The following CDH2 variants were observed in gnomAD, a reference collection of about 807,000 sequenced individuals.
CDH2 encodes the protein cadherin 2, also known as cadherin-2.
A neutral mutation model predicts 92.0 loss-of-function variants in CDH2; 17 were observed. That is an observed-to-expected ratio of 0.18 (90% confidence interval 0.13 to 0.28). The LOEUF is 0.28. CDH2 is among the 10% of genes least tolerant of loss of function. The probability of loss-of-function intolerance (pLI) is 1.00; values close to 1 mark genes in which losing one functional copy is unlikely to be tolerated. For synonymous variants in CDH2, 419 were observed against 415.9 expected, an observed-to-expected ratio of 1.01 and a Z score of -0.09; for missense variants, 862 against 1,133.1, an observed-to-expected ratio of 0.76 and a Z score of 3.44.
At chr18:28,155,296 T>C (rs2016190631) in intron 1 of CDH2, among the ~76,000 whole-genome samples, 1 of 152,142 alleles carries the variant, frequency 6.6e-6, no homozygotes. Flanking sequence ...ATAGCTAAAG[T>C]ACAGGTCTTT....
intron 2 of CDH2, among the ~76,000 whole-genome samples, chr18:28,084,051 A>T (rs2014881276): frequency 6.6e-6 from 1 of 152,204 alleles, no homozygotes; most frequent in African/African-American, 2.4e-5. Context: ...CAAATCAGCC[A>T]TGAAGACTTT....
intron 2 of CDH2, among the ~76,000 whole-genome samples, chr18:28,068,820 A>G (rs2014561773): frequency 6.6e-6 from 1 of 152,226 alleles, no homozygotes; most frequent in South Asian, 2.1e-4. Context: ...TATTTTAGAT[A>G]CAACCCGATA....
In CDH2 at chr18:27,992,797, G is replaced by T. The variant is rs1297670315; in HGVS notation, c.1202C>A (p.Ala401Asp). Residue 401 changes from alanine to aspartate, a missense_variant, in exon 9 of 16, where the codon GCT becomes GAT. Physicochemically the swap from Ala to Asp is moderately radical, Grantham distance 126 (BLOSUM62 -2). Around this residue, in one of 5 missense-constraint regions of CDH2, gnomAD observed 564 missense variants for 722.2 expected, o/e 0.78. Coordinates refer to ENST00000269141, the MANE Select transcript of CDH2 (RefSeq NM_001792.5). The stretch of plus-strand genomic sequence containing the variant: ...ATCCTTATCGGTCACAGTTAGATTA[G>T]CTACTATGATGTCTACCCTGTTCTC... ...VPENRVDIIV[A>D]NLTVTDKDQP... is the part of the protein sequence containing the mutation. The T allele has an allele frequency of 1.2e-6, 2 of 1,613,888 alleles. No homozygotes were observed. The highest frequency in any genetic ancestry group is 1.7e-6 in the Non-Finnish European group (2 of 1,179,828).
exon 7 of CDH2, among the ~76,000 whole-genome samples, chr18:27,933,088 A>G (rs1401617406): frequency 1.3e-5 from 2 of 152,112 alleles, no homozygotes; most frequent in Non-Finnish European, 2.9e-5. Flanking sequence ...CCACGAAGCC[A>G]AGGTCATAGG....
intron 2 of CDH2, among the ~76,000 whole-genome samples, chr18:28,101,094 T>C (rs1483275995): frequency 6.6e-6 from 1 of 152,224 alleles, no homozygotes; most frequent in Non-Finnish European, 1.5e-5. Flanking sequence ...CCATCCAGTA[T>C]ACACGATGAT....
intron 2 of CDH2, among the ~76,000 whole-genome samples, chr18:28,144,660 T>C (rs374687144): frequency 2.6e-5 from 4 of 152,036 alleles, no homozygotes; most frequent in Admixed American, 1.3e-4. Flanking sequence ...TGTTCAAAAA[T>C]AGAGGCACAG....
At chr18:28,091,140 G>C (rs190027652) in intron 2 of CDH2, among the ~76,000 whole-genome samples, 2 of 152,316 alleles carry the variant, frequency 1.3e-5, no homozygotes, top group Admixed American at 1.3e-4. Flanking sequence ...GTAAACTTAA[G>C]AGCACTGGTT....
intron 2 of CDH2, among the ~76,000 whole-genome samples, chr18:28,075,958 G>GTGGCCAATTCCAA (rs1208205379): frequency 6.6e-6 from 1 of 152,136 alleles, no homozygotes; most frequent in African/African-American, 2.4e-5. Flanking sequence ...ATTGAACACA[G>GTGGCCAATTCCAA]TGGTCAATTC....
chr18:28,010,233 A>T (rs2013056558), intron 4 of CDH2, among the ~76,000 whole-genome samples: 1 of 152,206 alleles, frequency 6.6e-6, no homozygotes, highest in Non-Finnish European at 1.5e-5. Context: ...TCATTAAAAT[A>T]AACATTATTT....
chr18:28,123,044 T>C (rs2015618349), intron 2 of CDH2, among the ~76,000 whole-genome samples: 1 of 152,164 alleles, frequency 6.6e-6, no homozygotes, highest in African/African-American at 2.4e-5. Context: ...TTAACACTTT[T>C]TATATAAGAG....
intron 1 of CDH2, among the ~76,000 whole-genome samples, chr18:28,176,715 C>G (rs1355715026): frequency 6.6e-6 from 1 of 151,964 alleles, no homozygotes; most frequent in Non-Finnish European, 1.5e-5. Context: ...AGAGGGGACC[C>G]GCAATCCAGC....
intron 1 of CDH2, among the ~76,000 whole-genome samples, chr18:28,153,463 T>C (rs1251931384): frequency 6.6e-6 from 1 of 152,256 alleles, no homozygotes; most frequent in African/African-American, 2.4e-5. Flanking sequence ...AAAGTCTTCA[T>C]GTAGATGCTA....
intron 2 of CDH2, among the ~76,000 whole-genome samples, chr18:28,050,372 C>T (rs1362690464): frequency 1.3e-5 from 2 of 152,166 alleles, no homozygotes; most frequent in African/African-American, 4.8e-5. Context: ...CCTTCTGACT[C>T]TTCTACACCC....
At chr18:28,045,149 C>G (rs972942712) in intron 2 of CDH2, among the ~76,000 whole-genome samples, 1 of 152,118 alleles carries the variant, frequency 6.6e-6, no homozygotes, top group Admixed American at 6.5e-5. Flanking sequence ...TATAGTTCTT[C>G]CTCATCCAAC....
chr18:28,108,596 A>T (rs775066066), intron 2 of CDH2, among the ~76,000 whole-genome samples: 2 of 152,170 alleles, frequency 1.3e-5, no homozygotes, highest in African/African-American at 2.4e-5. Context: ...CATAAAATCA[A>T]GTTTATTCTA....
At chr18:28,156,904 G>A (rs2016228380) in intron 1 of CDH2, among the ~76,000 whole-genome samples, 1 of 152,128 alleles carries the variant, frequency 6.6e-6, no homozygotes, top group South Asian at 2.1e-4. Context: ...TACATCGAGT[G>A]ACATCCATAT....
At chr18:28,097,735 TG>T (rs2015160349) in intron 2 of CDH2, among the ~76,000 whole-genome samples, 1 of 152,188 alleles carries the variant, frequency 6.6e-6, no homozygotes, top group East Asian at 1.9e-4. Flanking sequence ...AAGGGGTTCC[TG>T]GAACCAATCC....
At chr18:27,965,925 T>C (rs1482279622) in intron 14 of CDH2, among the ~76,000 whole-genome samples, 1 of 140,184 alleles carries the variant, frequency 7.1e-6, no homozygotes, top group African/African-American at 2.7e-5. Context: ...GAGGTGAAAG[T>C]TGCAGTGAGA....
chr18:28,136,371 G>A (rs6508525), intron 2 of CDH2, among the ~76,000 whole-genome samples: 38,989 of 151,092 alleles, frequency 0.26, 5,144 homozygotes, highest in Middle Eastern at 0.37. Flanking sequence ...TATGGGCCAC[G>A]TTCTTTGCTG....
Sources: gnomAD v4.1 joint callset for allele counts (sites outside exome capture counted in the v4.1 genomes callset) on GRCh38, gnomAD v4.1.1 for gene constraint, gnomAD v4.1.1 regional missense constraint, MANE v1.5 for transcripts, NCBI Gene and HGNC (gene_info 2026-07-23, HGNC 2026-07-21) for gene names.